The following DAB1 variants were observed in gnomAD, a reference collection of about 807,000 sequenced individuals.
The protein encoded by DAB1 is DAB adaptor protein 1, also known as disabled homolog 1.
In DAB1, 15 loss-of-function variants were observed where a neutral mutation model predicts 64.6. The ratio of observed to expected loss-of-function variants is 0.23; its 90% CI spans 0.16 to 0.36. The LOEUF is 0.36. DAB1 is among the 10% of genes least tolerant of loss of function. The probability of loss-of-function intolerance (pLI) is 1.00; values close to 1 mark genes in which losing one functional copy is unlikely to be tolerated. For missense variants in DAB1, 596 were observed against 706.7 expected (o/e 0.84, Z 1.78); for synonymous variants, 235 against 251.9 (o/e 0.93, Z 0.64).
intron 7 of DAB1, among the ~76,000 whole-genome samples, chr1:57,489,435 G>C (rs182346687): frequency 6.6e-6 from 1 of 151,998 alleles, no homozygotes; most frequent in Admixed American, 6.6e-5. Flanking sequence ...TCTGGGACTC[G>C]GGATGGGAAA....
intron 5 of DAB1, among the ~76,000 whole-genome samples, chr1:58,011,383 G>A (rs745691176): frequency 6.6e-6 from 1 of 152,046 alleles, no homozygotes; most frequent in Non-Finnish European, 1.5e-5. Flanking sequence ...TTAAATCAAG[G>A]CCTATTTTCA....
intron 7 of DAB1, among the ~76,000 whole-genome samples, chr1:57,463,323 T>G (rs567698445): frequency 6.6e-6 from 1 of 152,342 alleles, no homozygotes; most frequent in South Asian, 2.1e-4. Flanking sequence ...TGGAAATATT[T>G]AAAATATTTT....
chr1:57,700,325 G>T (rs1341414047), intron 6 of DAB1, among the ~76,000 whole-genome samples: 2 of 152,062 alleles, frequency 1.3e-5, no homozygotes, highest in African/African-American at 2.4e-5. Flanking sequence ...AAAAACCTTG[G>T]TAACAATCAT....
chr1:58,036,337 G>A (rs1295528681), intron 5 of DAB1, among the ~76,000 whole-genome samples: 1 of 152,098 alleles, frequency 6.6e-6, no homozygotes, highest in Non-Finnish European at 1.5e-5. Context: ...TGGTAATAAG[G>A]GAGAGCCCAG....
At chr1:57,688,919 G>C (rs1434756626) in intron 6 of DAB1, among the ~76,000 whole-genome samples, 1 of 152,140 alleles carries the variant, frequency 6.6e-6, no homozygotes, top group African/African-American at 2.4e-5. Context: ...CACCAGAGTG[G>C]GGAGGAAAGG....
chr1:57,022,309 T>C (rs1570521949), intron 11 of DAB1, among the ~76,000 whole-genome samples: 1 of 152,218 alleles, frequency 6.6e-6, no homozygotes, highest in Admixed American at 6.5e-5. Context: ...AAACTCTTAC[T>C]CTTATTTAAA....
At chr1:57,856,073 C>T (rs1653738944) in intron 1 of DAB1, among the ~76,000 whole-genome samples, 1 of 152,134 alleles carries the variant, frequency 6.6e-6, no homozygotes, top group Non-Finnish European at 1.5e-5. Context: ...AGACTTGGGT[C>T]TGAGCTGCTA....
chr1:58,509,758 G>GA (rs993947005), intron 2 of DAB1, among the ~76,000 whole-genome samples: 3 of 149,956 alleles, frequency 2.0e-5, no homozygotes, highest in East Asian at 1.9e-4. Context: ...GTTAGAGTAA[G>GA]AAAAAAAAAG....
At chr1:57,891,806 G>A (rs1485329917) in intron 5 of DAB1, among the ~76,000 whole-genome samples, 11 of 152,090 alleles carry the variant, frequency 7.2e-5, no homozygotes, top group Admixed American at 7.2e-4. Context: ...GAGAACACAT[G>A]GACACAGGGA....
chr1:58,092,160 C>A (rs967833680), intron 5 of DAB1, among the ~76,000 whole-genome samples: 17 of 151,786 alleles, frequency 1.1e-4, no homozygotes, highest in African/African-American at 4.1e-4. Flanking sequence ...GATGGTGAAA[C>A]CCTGTCTCTA....
chr1:58,332,631 A>G (rs1662997710), intron 4 of DAB1, among the ~76,000 whole-genome samples: 1 of 152,196 alleles, frequency 6.6e-6, no homozygotes, highest in Non-Finnish European at 1.5e-5. Context: ...ACAAGCAGAA[A>G]TACAACTTGA....
intron 3 of DAB1, among the ~76,000 whole-genome samples, chr1:58,419,559 T>C (rs1644753389): frequency 6.6e-6 from 1 of 152,212 alleles, no homozygotes; most frequent in Admixed American, 6.5e-5. Flanking sequence ...ACTCTTCCCT[T>C]ACACTGTCAG....
intron 5 of DAB1, among the ~76,000 whole-genome samples, chr1:58,034,189 C>T (rs995935644): frequency 6.6e-6 from 1 of 152,214 alleles, no homozygotes; most frequent in Non-Finnish European, 1.5e-5. Flanking sequence ...CTCGCTTGCT[C>T]GGATAAAGCT....
chr1:57,474,220 GA>G (rs1353407894), intron 7 of DAB1, among the ~76,000 whole-genome samples: 1 of 152,204 alleles, frequency 6.6e-6, no homozygotes, highest in Non-Finnish European at 1.5e-5. Flanking sequence ...CAGTGAAGCA[GA>G]TAGTAAGGCT....
chr1:57,601,056 CAG>C (rs1448511413), intron 7 of DAB1, among the ~76,000 whole-genome samples: 3 of 151,910 alleles, frequency 2.0e-5, no homozygotes, highest in East Asian at 1.9e-4. Flanking sequence ...CTTTTCCATG[CAG>C]AGAGACTCAA....
At chr1:57,338,886 T>C (rs1677319226) in intron 1 of DAB1, among the ~76,000 whole-genome samples, 1 of 152,204 alleles carries the variant, frequency 6.6e-6, no homozygotes, top group East Asian at 1.9e-4. Context: ...GTAATGTATG[T>C]GTAAGAACTT....
intron 1 of DAB1, among the ~76,000 whole-genome samples, chr1:57,837,917 T>C (rs1007590269): frequency 6.7e-6 from 1 of 149,948 alleles, no homozygotes; most frequent in African/African-American, 2.4e-5. Context: ...CTTAATATCA[T>C]TATCACTTCC....
intron 4 of DAB1, among the ~76,000 whole-genome samples, 172 bp downstream of exon 4, chr1:57,136,371 G>A (rs1468848441): frequency 6.6e-6 from 1 of 152,128 alleles, no homozygotes; most frequent in South Asian, 2.1e-4. Flanking sequence ...CCATACTGTG[G>A]CCAAGTCAGC....
At chr1:57,071,724 C>T (rs559969171) in intron 5 of DAB1, 83 bp from the exon 6 acceptor site, 30 of 1,310,010 alleles carry the variant, frequency 2.3e-5, no homozygotes, top group East Asian at 7.4e-5. Flanking sequence ...GGCGACAACC[C>T]GCAGCCCTTC....
Sources: gnomAD v4.1 joint callset for allele counts (sites outside exome capture counted in the v4.1 genomes callset) on GRCh38, gnomAD v4.1.1 for gene constraint, MANE v1.5 for transcripts, NCBI Gene and HGNC (gene_info 2026-07-23, HGNC 2026-07-21) for gene names.